SQOR: variants seen among roughly 807,000 people sequenced by gnomAD.
SQOR encodes sulfide:quinone oxidoreductase, mitochondrial.
SQOR carries 39 observed loss-of-function variants against 48.6 expected under a neutral mutation model. The ratio of observed to expected loss-of-function variants is 0.80; its 90% CI spans 0.62 to 1.05. SQOR has a LOEUF of 1.05. Among genes scored for constraint, SQOR ranks in the 50% least tolerant of loss-of-function variants. SQOR has a pLI of 0.00. For missense variants in SQOR, 561 were observed against 559.9 expected (o/e 1.00, Z -0.02); for synonymous variants, 220 against 206.2 (o/e 1.07, Z -0.57).
At chr15:45,685,870 G>A (rs540184733) in intron 7 of SQOR, among the ~76,000 whole-genome samples, 6 of 152,098 alleles carry the variant, frequency 3.9e-5, no homozygotes, top group South Asian at 4.2e-4. Context: ...ACAAGGTCTC[G>A]CTCTGTCGCC....
chr15:45,665,025 A>G (rs997920034), intron 3 of SQOR, among the ~76,000 whole-genome samples: 3 of 151,978 alleles, frequency 2.0e-5, no homozygotes, highest in Non-Finnish European at 1.5e-5. Context: ...CTCATATCAC[A>G]CACAGCATCT....
chr15:45,690,091 T>TTTG (rs1225391755), intron 9 of SQOR, among the ~76,000 whole-genome samples: 8 of 137,270 alleles, frequency 5.8e-5, no homozygotes, highest in African/African-American at 2.1e-4. Flanking sequence ...CCTTTTTTTT[T>TTTG]TTTTTTTGGA....
chr15:45,665,144 T>C (rs993991247), intron 3 of SQOR, among the ~76,000 whole-genome samples: 1 of 152,242 alleles, frequency 6.6e-6, no homozygotes, highest in Non-Finnish European at 1.5e-5. Context: ...CCATATACTT[T>C]ACTCATCTCT....
At chr15:45,647,947 T>G (rs1305272147) in intron 1 of SQOR, among the ~76,000 whole-genome samples, 1 of 152,110 alleles carries the variant, frequency 6.6e-6, no homozygotes, top group East Asian at 1.9e-4. Flanking sequence ...TAAAATAATT[T>G]CAGCCAACAG....
At chr15:45,640,970 T>C (rs1007764303) in intron 1 of SQOR, among the ~76,000 whole-genome samples, 9 of 152,196 alleles carry the variant, frequency 5.9e-5, no homozygotes, top group African/African-American at 1.7e-4. Flanking sequence ...TGCTTCTTTA[T>C]GTACTAGAAT....
At chr15:45,690,033 G>A (rs1345533451) in intron 9 of SQOR, among the ~76,000 whole-genome samples, 1 of 151,400 alleles carries the variant, frequency 6.6e-6, no homozygotes, top group African/African-American at 2.4e-5. Flanking sequence ...TACATAGTAG[G>A]GATTCAATAA....
intron 1 of SQOR, among the ~76,000 whole-genome samples, chr15:45,639,339 A>G (rs1895066226): frequency 6.6e-6 from 1 of 152,260 alleles, no homozygotes; most frequent in South Asian, 2.1e-4. Context: ...CATAGTAAGT[A>G]CTTTGTAAAT....
intron 4 of SQOR, among the ~76,000 whole-genome samples, chr15:45,672,002 C>T (rs1026759982): frequency 1.3e-5 from 2 of 152,170 alleles, no homozygotes; most frequent in African/African-American, 4.8e-5. Flanking sequence ...GGGTCAAAAC[C>T]ACCCTTTTTG....
intron 2 of SQOR, 38 bp downstream of exon 2, chr15:45,659,195 C>CGTGTGTGTGTGTGTGA (rs1889675196): frequency 4.4e-6 from 6 of 1,349,662 alleles, no homozygotes; most frequent in Non-Finnish European, 5.0e-6. Flanking sequence ...TGTGTGTGTA[C>CGTGTGTGTGTGTGTGA]GTGTGTGTGT....
intron 1 of SQOR, among the ~76,000 whole-genome samples, chr15:45,650,318 G>A (rs1444683085): frequency 6.6e-6 from 1 of 152,160 alleles, no homozygotes; most frequent in Non-Finnish European, 1.5e-5. Flanking sequence ...GACCCTCGTG[G>A]GGAGTGTTAC....
chr15:45,681,216 T>C (rs113139412), intron 6 of SQOR, among the ~76,000 whole-genome samples: 97 of 152,288 alleles, frequency 6.4e-4, no homozygotes, highest in African/African-American at 2.2e-3. Context: ...GTAGTTCTAG[T>C]TGACTGCAGA....
At chr15:45,636,105 A>G (rs1894999921) in intron 1 of SQOR, among the ~76,000 whole-genome samples, 1 of 152,218 alleles carries the variant, frequency 6.6e-6, no homozygotes, top group South Asian at 2.1e-4. Context: ...CTGGGATTAC[A>G]CGAGTGAGCC....
intron 3 of SQOR, among the ~76,000 whole-genome samples, chr15:45,664,132 T>C (rs1889770843): frequency 6.6e-6 from 1 of 152,208 alleles, no homozygotes; most frequent in South Asian, 2.1e-4. Context: ...GGTATTTACA[T>C]AGTCCATGGC....
At chr15:45,651,113 G>A (rs1889478074) in intron 1 of SQOR, among the ~76,000 whole-genome samples, 2 of 152,250 alleles carry the variant, frequency 1.3e-5, no homozygotes, top group Non-Finnish European at 2.9e-5. Context: ...CCGCTGGGGG[G>A]CTGGGGCATG....
chr15:45,651,765 G>A (rs1337040286), intron 1 of SQOR, among the ~76,000 whole-genome samples: 2 of 152,006 alleles, frequency 1.3e-5, no homozygotes, highest in African/African-American at 2.4e-5. Context: ...CACCGTACCC[G>A]GCCTTGATTT....
At chr15:45,662,419 G>A (rs1343899794) in intron 3 of SQOR, among the ~76,000 whole-genome samples, 1 of 152,174 alleles carries the variant, frequency 6.6e-6, no homozygotes, top group Non-Finnish European at 1.5e-5. Context: ...CAGACCATTT[G>A]TTTATACGTT....
At position 45,659,045 on chromosome 15, in the gene SQOR, G is replaced by C; in HGVS notation, c.122G>C (p.Arg41Thr). Reference sequence around the variant, plus strand: ...CACACCGGGGCCAGCCATGCGGCCAGGAACCATTATGAGGTGCTGGTGCTG... The same window carrying C: ...CACACCGGGGCCAGCCATGCGGCCACGAACCATTATGAGGTGCTGGTGCTG... The part of the protein sequence containing the change: ...QLHTGASHAA[R>T]NHYEVLVLGG... The change falls in exon 2 of 10, where the codon AGG becomes ACG. Residue 41 changes from arginine to threonine, a missense_variant. Coordinates refer to ENST00000260324, the MANE Select transcript of SQOR (RefSeq NM_021199.4). 1 of 1,600,414 alleles carries C rather than the reference G, an allele frequency of 6.2e-7. No homozygotes were observed. Among genetic ancestry groups the C allele is most frequent in the Non-Finnish European group, 8.5e-7 (1 of 1,173,948 alleles).
At chr15:45,634,336 T>A (rs1218315941), upstream of SQOR, among the ~76,000 whole-genome samples, 4 of 151,334 alleles carry the variant, frequency 2.6e-5, no homozygotes. Context: ...GTTATGAGAC[T>A]TTTGGGACAC....
intron 1 of SQOR, among the ~76,000 whole-genome samples, chr15:45,650,589 C>G (rs565484227): frequency 1.1e-3 from 173 of 152,306 alleles, no homozygotes; most frequent in Non-Finnish European, 2.0e-3. Flanking sequence ...ACCGCTCGCT[C>G]GGGCAGCCTG....
Sources: gnomAD v4.1 joint callset for allele counts (sites outside exome capture counted in the v4.1 genomes callset) on GRCh38, gnomAD v4.1.1 for gene constraint, MANE v1.5 for transcripts, NCBI Gene and HGNC (gene_info 2026-07-23, HGNC 2026-07-21) for gene names.